The following MIGA1 variants were observed in gnomAD, a reference collection of about 807,000 sequenced individuals.
MIGA1 encodes the protein mitoguardin 1, also known as family with sequence similarity 73, member A.
MIGA1 carries 58 observed loss-of-function variants against 82.0 expected under a neutral mutation model. That is an observed-to-expected ratio of 0.71 (90% CI 0.57 to 0.88). MIGA1 has a LOEUF of 0.88. MIGA1 is among the 40% of genes least tolerant of loss of function. The pLI, the probability that MIGA1 is intolerant of heterozygous loss-of-function variation, is 0.00. For synonymous variants in MIGA1, 249 were observed against 253.6 expected (o/e 0.98, Z 0.17); for missense variants, 751 against 749.1 (o/e 1.00, Z -0.03).
chr1:77,798,924 A>G (rs1682767508), intron 2 of MIGA1, among the ~76,000 whole-genome samples: 1 of 152,236 alleles, frequency 6.6e-6, no homozygotes, highest in African/African-American at 2.4e-5. Flanking sequence ...GTAGTCATAA[A>G]TGGATGTTGA....
chr1:77,857,461 T>C (rs1685304507), intron 8 of MIGA1, among the ~76,000 whole-genome samples: 1 of 151,896 alleles, frequency 6.6e-6, no homozygotes. Context: ...TGCCTCAGCC[T>C]CCCAAAGTGC....
intron 14 of MIGA1, among the ~76,000 whole-genome samples, chr1:77,870,236 T>C (rs1343388399): frequency 4.4e-5 from 5 of 114,602 alleles, no homozygotes; most frequent in South Asian, 3.8e-4. Flanking sequence ...CCCCCCCACC[T>C]CCCTCCCGGT....
rs763466632 is a variant in MIGA1, at chr1:77,853,663, GACAAAAACAA to G, written c.997-5256_997-5247del. 4.3e-4 allele frequency: 95 copies of G among 221,338 alleles called. No homozygotes were observed. The Middle Eastern group carries it at 5.2e-3, about 12-fold the overall frequency. 13.7% of individuals were successfully genotyped at this position (221,338 alleles called of 1,614,324 possible). The stretch of plus-strand genomic sequence containing the variant: ...CACTGCACTATTGCCTGGCTGACCT[GACAAAAACAA>G]ACAAAAACAAACAAAAACCCAAAAA... On this transcript the variant is annotated intron_variant, in intron 8 of 15. Transcript: ENST00000370791.
At chr1:77,854,987 G>A (rs182537994) in intron 8 of MIGA1, among the ~76,000 whole-genome samples, 245 of 152,216 alleles carry the variant, frequency 1.6e-3, no homozygotes, top group Admixed American at 4.4e-3. Flanking sequence ...TGTCTAGAAG[G>A]GTTTTTCCAA....
chr1:77,828,118 A>G (rs1475818499), intron 7 of MIGA1, among the ~76,000 whole-genome samples: 1 of 152,168 alleles, frequency 6.6e-6, no homozygotes, highest in Non-Finnish European at 1.5e-5. Flanking sequence ...CCTTTGTGAC[A>G]TTGATTACTC....
At chr1:77,793,534 G>A (rs895600714) in intron 2 of MIGA1, among the ~76,000 whole-genome samples, 2 of 151,514 alleles carry the variant, frequency 1.3e-5, no homozygotes, top group Admixed American at 6.6e-5. Flanking sequence ...ATCTTGGCTC[G>A]CTGCAACCTC....
At chr1:77,795,992 G>A (rs534717490) in intron 2 of MIGA1, among the ~76,000 whole-genome samples, 5 of 152,138 alleles carry the variant, frequency 3.3e-5, no homozygotes, top group African/African-American at 1.2e-4. Context: ...TTATTCAGCA[G>A]TGAGACACCT....
At chr1:77,802,711 G>A (rs769426192) in intron 3 of MIGA1, among the ~76,000 whole-genome samples, 3 of 152,052 alleles carry the variant, frequency 2.0e-5, no homozygotes, top group South Asian at 2.1e-4. Flanking sequence ...GACCCAGGAC[G>A]TCAGTGCTGC....
chr1:77,783,474 A>T, intron 2 of MIGA1, 123 bp downstream of exon 2: 1 of 484,292 alleles, frequency 2.1e-6, no homozygotes, highest in Non-Finnish European at 3.4e-6. Context: ...TTATTACAGT[A>T]GTTAAAAAAC....
At chr1:77,828,826 C>T (rs1420198275) in intron 7 of MIGA1, among the ~76,000 whole-genome samples, 1 of 152,120 alleles carries the variant, frequency 6.6e-6, no homozygotes, top group East Asian at 1.9e-4. Flanking sequence ...GCATGTGCCA[C>T]ACCACCCAGC....
At chr1:77,781,322 TG>T (rs1288855510) in intron 1 of MIGA1, among the ~76,000 whole-genome samples, 3 of 152,230 alleles carry the variant, frequency 2.0e-5, no homozygotes, top group African/African-American at 7.2e-5. Flanking sequence ...AAAATTACTT[TG>T]GGTGAATTAC....
intron 5 of MIGA1, chr1:77,810,785 A>C: frequency 2.0e-6 from 3 of 1,481,238 alleles, no homozygotes; most frequent in Non-Finnish European, 2.8e-6. Flanking sequence ...TTGAAGGGTG[A>C]ATATGCTACA....
chr1:77,831,741 C>T (rs982207415), intron 7 of MIGA1, among the ~76,000 whole-genome samples: 3 of 152,108 alleles, frequency 2.0e-5, no homozygotes, highest in Non-Finnish European at 4.4e-5. Flanking sequence ...TTATTCTTTA[C>T]GCACTTTGGT....
intron 7 of MIGA1, among the ~76,000 whole-genome samples, chr1:77,826,468 A>G (rs1226682703): frequency 3.9e-5 from 6 of 152,036 alleles, no homozygotes; most frequent in African/African-American, 1.4e-4. Context: ...GGCATATCCT[A>G]TTATTATTAA....
At chr1:77,822,586 G>A (rs899892313) in intron 7 of MIGA1, among the ~76,000 whole-genome samples, 1 of 152,122 alleles carries the variant, frequency 6.6e-6, no homozygotes, top group Admixed American at 6.5e-5. Flanking sequence ...TTTGCAGCTA[G>A]GGATTTGCCA....
At chr1:77,859,185 T>A (rs1685374475) in intron 9 of MIGA1, 129 bp downstream of exon 9, 1 of 987,622 alleles carries the variant, frequency 1.0e-6, no homozygotes, top group African/African-American at 1.6e-5. Context: ...TATTTTTACA[T>A]GTTCTGTCAG....
At chr1:77,840,584 G>T (rs1376924120) in intron 7 of MIGA1, among the ~76,000 whole-genome samples, 1 of 152,084 alleles carries the variant, frequency 6.6e-6, no homozygotes, top group Non-Finnish European at 1.5e-5. Flanking sequence ...AGGCGGAGGC[G>T]GGCGGGTCAC....
chr1:77,788,608 T>G lies in MIGA1; in HGVS notation c.195+5257T>G, dbSNP rs142795481. Among the ~76,000 whole-genome samples, 6 of 152,342 alleles carry G rather than the reference T, an allele frequency of 3.9e-5. No individual in the cohort carries two copies. In the East Asian group the frequency reaches 1.2e-3, roughly 29 times the overall value. The stretch of plus-strand genomic sequence containing the variant: ...AAGCTTCTTAGGGTTTTAGGACTTA[T>G]ATTTAGGTCTTTGATCCATTTTGAG... On this transcript the variant is annotated intron_variant, in intron 2 of 15. Transcript: ENST00000370791.
intron 8 of MIGA1, among the ~76,000 whole-genome samples, chr1:77,846,082 C>G (rs1684828407): frequency 6.6e-6 from 1 of 151,236 alleles, no homozygotes; most frequent in Admixed American, 6.6e-5. Context: ...TTTCTAATTT[C>G]AGAACATTTT....
Sources: gnomAD v4.1 joint callset for allele counts (sites outside exome capture counted in the v4.1 genomes callset) on GRCh38, gnomAD v4.1.1 for gene constraint, MANE v1.5 for transcripts, NCBI Gene and HGNC (gene_info 2026-07-23, HGNC 2026-07-21) for gene names.